The following KAZN variants were observed in gnomAD, a reference collection of about 807,000 sequenced individuals.
KAZN encodes the protein kazrin, periplakin interacting protein, also known as kazrin.
KAZN carries 40 observed loss-of-function variants against 87.4 expected under a neutral mutation model. The ratio of observed to expected loss-of-function variants is 0.46; its 90% CI spans 0.36 to 0.60. The LOEUF (loss-of-function observed/expected upper bound fraction) is 0.60. Among genes scored for constraint, KAZN ranks in the 20% least tolerant of loss-of-function variants. KAZN has a pLI of 0.00. For synonymous variants in KAZN, 466 were observed against 458.3 expected (o/e 1.02, Z -0.22); for missense variants, 898 against 1,073.9 (o/e 0.84, Z 2.29).
At chr1:14,632,103 T>TG (rs1345716111) in intron 1 of KAZN, among the ~76,000 whole-genome samples, 1 of 152,198 alleles carries the variant, frequency 6.6e-6, no homozygotes, top group African/African-American at 2.4e-5. Flanking sequence ...TCCAGGTTTC[T>TG]GGGGGGCTTT....
rs1292617147 is a variant in KAZN at position 14,063,668 on chromosome 1, G to C, written c.92-116767G>C. 2.0e-5 allele frequency among the ~76,000 whole-genome samples: 3 copies of C among 152,224 alleles called. No individual in the cohort carries two copies. In the East Asian group the frequency reaches 5.8e-4, roughly 29 times the overall value. ...GAGGTTTCAGGTAGGTCAGTGATAT[G>C]GTTTGACTATGTGTCCACTCAAATC... On this transcript the variant is annotated intron_variant, in intron 1 of 16. Coordinates refer to the KAZN transcript ENST00000636203.
intron 1 of KAZN, among the ~76,000 whole-genome samples, chr1:14,081,893 C>T (rs1643686683): frequency 6.6e-6 from 1 of 152,162 alleles, no homozygotes; most frequent in African/African-American, 2.4e-5. Flanking sequence ...ACCTCAGCCT[C>T]CTGAGAAGCT....
At chr1:14,932,577 T>C (rs1006433220) in intron 1 of KAZN, among the ~76,000 whole-genome samples, 1 of 152,128 alleles carries the variant, frequency 6.6e-6, no homozygotes, top group African/African-American at 2.4e-5. Flanking sequence ...GAGGCTCCCA[T>C]GTTGGAGCTG....
chr1:14,939,496 A>G (rs147807116), intron 1 of KAZN, among the ~76,000 whole-genome samples: 1 of 151,406 alleles, frequency 6.6e-6, no homozygotes, highest in East Asian at 1.9e-4. Flanking sequence ...CTGGTCTCGA[A>G]CTCCTGGTCT....
intron 1 of KAZN, among the ~76,000 whole-genome samples, chr1:14,035,401 A>G (rs996583068): frequency 2.0e-5 from 3 of 151,816 alleles, no homozygotes; most frequent in Admixed American, 2.0e-4. Context: ...CTAAAGATGA[A>G]TCACCTGCCT....
intron 1 of KAZN, among the ~76,000 whole-genome samples, chr1:14,956,921 C>T (rs147476735): frequency 6.6e-6 from 1 of 152,320 alleles, no homozygotes; most frequent in African/African-American, 2.4e-5. Context: ...CCTGGTCACT[C>T]AAGACCCTCC....
rs531015190 is a variant in KAZN, at chr1:14,570,421, A to T, written c.250-28562A>T. ...TCCCAATTCCTATCCCTAGCCCCAG[A>T]TCACCACTGATCGACTTTCTGTGAC... On this transcript the variant is annotated intron_variant, in intron 2 of 16. Coordinates refer to the KAZN transcript ENST00000636203. Among the ~76,000 whole-genome samples, 4 of 152,292 alleles carry T rather than the reference A, an allele frequency of 2.6e-5. No homozygotes were observed. In the South Asian group the frequency reaches 8.3e-4, roughly 32 times the overall value.
intron 1 of KAZN, among the ~76,000 whole-genome samples, chr1:14,793,585 TTAAG>T (rs1436082805): frequency 1.3e-4 from 20 of 151,970 alleles, no homozygotes; most frequent in African/African-American, 4.4e-4. Flanking sequence ...ATTGTGAGGA[TTAAG>T]TGAGTGTGTC....
At chr1:13,966,556 C>A (rs1211628722) in intron 1 of KAZN, among the ~76,000 whole-genome samples, 2 of 152,126 alleles carry the variant, frequency 1.3e-5, no homozygotes, top group African/African-American at 2.4e-5. Flanking sequence ...ATCTCTGGGG[C>A]CACACGGCTG....
intron 1 of KAZN, among the ~76,000 whole-genome samples, chr1:14,662,372 T>A (rs1309189353): frequency 6.6e-6 from 1 of 151,764 alleles, no homozygotes; most frequent in Non-Finnish European, 1.5e-5. Flanking sequence ...GCCCCAAGAG[T>A]GGGCAGAGAC....
At chr1:14,791,941 C>T (rs907966743) in intron 1 of KAZN, among the ~76,000 whole-genome samples, 2 of 152,230 alleles carry the variant, frequency 1.3e-5, no homozygotes, top group African/African-American at 2.4e-5. Flanking sequence ...GGAGCAGCCA[C>T]ATTAGCCGGG....
At chr1:14,362,856 T>C (rs1022876565) in intron 2 of KAZN, among the ~76,000 whole-genome samples, 10 of 152,168 alleles carry the variant, frequency 6.6e-5, no homozygotes, top group African/African-American at 2.2e-4. Flanking sequence ...CCTGCCAATA[T>C]ATATATTTGT....
At chr1:14,398,607 G>A (rs139139697) in intron 2 of KAZN, among the ~76,000 whole-genome samples, 7 of 152,320 alleles carry the variant, frequency 4.6e-5, no homozygotes, top group African/African-American at 1.7e-4. Flanking sequence ...TTCTAAGCTC[G>A]TGTCTTCAGC....
chr1:14,432,271 A>G (rs927556670), intron 2 of KAZN, among the ~76,000 whole-genome samples: 2 of 152,230 alleles, frequency 1.3e-5, no homozygotes, highest in Non-Finnish European at 2.9e-5. Flanking sequence ...ACCATAAGTC[A>G]CAGTTCAATT....
At chr1:14,512,946 G>C (rs552221397) in intron 2 of KAZN, among the ~76,000 whole-genome samples, 2 of 152,184 alleles carry the variant, frequency 1.3e-5, no homozygotes, top group Non-Finnish European at 2.9e-5. Flanking sequence ...GGTCTGAAAA[G>C]CAGGCAAGTT....
At chr1:13,964,807 G>A (rs991290944) in intron 1 of KAZN, among the ~76,000 whole-genome samples, 1 of 152,204 alleles carries the variant, frequency 6.6e-6, no homozygotes, top group South Asian at 2.1e-4. Flanking sequence ...AGTGAGGGGT[G>A]ATAATTGTGG....
chr1:14,464,814 T>G (rs1668029900), intron 2 of KAZN, among the ~76,000 whole-genome samples: 1 of 152,080 alleles, frequency 6.6e-6, no homozygotes, highest in Non-Finnish European at 1.5e-5. Context: ...GTGCTGGGAT[T>G]ACAGGCCACC....
At chr1:13,898,500 AC>A (rs1639129370) in intron 1 of KAZN, among the ~76,000 whole-genome samples, 1 of 152,090 alleles carries the variant, frequency 6.6e-6, no homozygotes, top group Non-Finnish European at 1.5e-5. Flanking sequence ...ACCTTGCTTG[AC>A]CCAAACAACT....
At chr1:14,678,987 T>C (rs1640408343) in intron 1 of KAZN, among the ~76,000 whole-genome samples, 1 of 152,208 alleles carries the variant, frequency 6.6e-6, no homozygotes, top group Admixed American at 6.5e-5. Flanking sequence ...TTGTGGTAAA[T>C]GCTGTGAAAA....
Sources: gnomAD v4.1 joint callset for allele counts (sites outside exome capture counted in the v4.1 genomes callset) on GRCh38, gnomAD v4.1.1 for gene constraint, MANE v1.5 for transcripts, NCBI Gene and HGNC (gene_info 2026-07-23, HGNC 2026-07-21) for gene names.